The following ZNF385D variants were observed in gnomAD, a reference collection of about 807,000 sequenced individuals.
ZNF385D encodes the protein zinc finger protein 385D, also known as zinc finger protein 659.
ZNF385D carries 15 observed loss-of-function variants against 35.8 expected under a neutral mutation model. The observed-to-expected ratio is 0.42, with a 90% confidence interval of 0.28 to 0.64. The LOEUF is 0.64. Ranked by LOEUF, ZNF385D falls within the 30% of genes least tolerant of loss-of-function variation. ZNF385D has a pLI of 0.23. For missense variants in ZNF385D, 474 were observed against 494.6 expected (o/e 0.96, Z 0.39); for synonymous variants, 212 against 186.8 (o/e 1.13, Z -1.10).
intron 3 of ZNF385D, among the ~76,000 whole-genome samples, chr3:22,155,267 T>C (rs981243012): frequency 3.3e-5 from 5 of 152,140 alleles, no homozygotes; most frequent in African/African-American, 1.2e-4. Context: ...AAAGAAATTA[T>C]TTCAGAATCA....
chr3:21,510,636 G>C (rs2125465753), intron 4 of ZNF385D, among the ~76,000 whole-genome samples: 1 of 152,220 alleles, frequency 6.6e-6, no homozygotes, highest in South Asian at 2.1e-4. Flanking sequence ...CTCTGAAACA[G>C]CCACAGGACT....
rs1371674713 is a variant in ZNF385D at position 21,670,013 on chromosome 3, T to C, written c.23-4985A>G. On this transcript the variant is annotated intron_variant, in intron 1 of 7. Coordinates refer to ENST00000281523, the MANE Select transcript of ZNF385D (RefSeq NM_024697.3). ...ATCCTGCCTGACAACTTCATCTTAATCTTAACCTTAATCTACTACTTAATC... is the reference window on the plus strand; with the variant it reads ...ATCCTGCCTGACAACTTCATCTTAACCTTAACCTTAATCTACTACTTAATC... Among the ~76,000 whole-genome samples the C allele has an allele frequency of 6.6e-5, 10 of 152,172 alleles. No individual in the cohort carries two copies. In the East Asian group the frequency reaches 1.9e-3, roughly 29 times the overall value.
intron 3 of ZNF385D, among the ~76,000 whole-genome samples, chr3:21,889,287 C>A (rs943177438): frequency 1.3e-5 from 2 of 152,242 alleles, no homozygotes; most frequent in African/African-American, 4.8e-5. Context: ...TGCCATAGAT[C>A]CTCCCTAAGG....
chr3:21,899,268 G>C (rs927928043), intron 3 of ZNF385D, among the ~76,000 whole-genome samples: 4 of 152,050 alleles, frequency 2.6e-5, no homozygotes, highest in African/African-American at 9.7e-5. Flanking sequence ...GAGAAACCCT[G>C]TCTTAGGATT....
At chr3:21,809,669 T>A (rs6770993) in intron 3 of ZNF385D, among the ~76,000 whole-genome samples, 1 of 149,298 alleles carries the variant, frequency 6.7e-6, no homozygotes, top group Non-Finnish European at 1.5e-5. Context: ...TATATACACA[T>A]ATATACACAC....
intron 3 of ZNF385D, among the ~76,000 whole-genome samples, chr3:21,907,087 C>T (rs1355417880): frequency 1.3e-5 from 2 of 152,124 alleles, no homozygotes; most frequent in African/African-American, 4.8e-5. Context: ...AAACACATTT[C>T]CCACCTGCTC....
chr3:21,772,108 C>A (rs528018577), intron 3 of ZNF385D, among the ~76,000 whole-genome samples: 1 of 151,724 alleles, frequency 6.6e-6, no homozygotes, highest in Non-Finnish European at 1.5e-5. Context: ...AATATAAGAA[C>A]GAGAAATATA....
At chr3:21,598,980 C>T (rs542200757) in intron 2 of ZNF385D, among the ~76,000 whole-genome samples, 7 of 152,232 alleles carry the variant, frequency 4.6e-5, no homozygotes, top group East Asian at 3.9e-4. Context: ...AAACTGCTTC[C>T]GATGTTGCAA....
intron 2 of ZNF385D, among the ~76,000 whole-genome samples, chr3:21,652,200 C>A (rs1220695916): frequency 1.3e-5 from 2 of 152,146 alleles, no homozygotes; most frequent in Non-Finnish European, 2.9e-5. Context: ...ATTGACTTTT[C>A]AGTCACTTCT....
chr3:22,016,402 G>C (rs970091898), intron 3 of ZNF385D, among the ~76,000 whole-genome samples: 3 of 152,098 alleles, frequency 2.0e-5, no homozygotes, highest in Non-Finnish European at 2.9e-5. Context: ...TATGTACTTA[G>C]TATCCCACGA....
chr3:22,302,191 A>G (rs921043610), intron 2 of ZNF385D, among the ~76,000 whole-genome samples: 6 of 152,120 alleles, frequency 3.9e-5, no homozygotes, highest in African/African-American at 1.2e-4. Context: ...CTCTTGACAA[A>G]TTTATCTCTA....
chr3:21,768,566 A>C (rs927367193), intron 3 of ZNF385D, among the ~76,000 whole-genome samples: 2 of 151,992 alleles, frequency 1.3e-5, no homozygotes, highest in African/African-American at 2.4e-5. Context: ...CCCCTCCCCA[A>C]CACAGCCCTA....
intron 3 of ZNF385D, among the ~76,000 whole-genome samples, chr3:21,925,793 C>T (rs991342358): frequency 2.6e-5 from 4 of 151,738 alleles, no homozygotes; most frequent in African/African-American, 9.7e-5. Context: ...AAAAAAAACC[C>T]AAGCAATCCA....
chr3:21,420,924 C>T lies in ZNF385D; in HGVS notation c.*290G>A, dbSNP rs1473815209. 9.5e-6 allele frequency: 3 copies of T among 314,322 alleles called. No individual in the cohort carries two copies. The highest frequency in any genetic ancestry group is 1.8e-5 in the Non-Finnish European group (3 of 168,510). 19.5% of individuals were successfully genotyped at this position (314,322 alleles called of 1,614,324 possible). A position where few individuals can be genotyped will look rare whatever the true frequency, so the allele number is the denominator to read the frequency against. On this transcript the variant is annotated 3_prime_UTR_variant, in exon 8 of 8. Transcript: ENST00000281523. ...AGAGGGAAATAGGTGCCCAAAAGCA[C>T]AGTCACAGAGGCTTCAGAAGGTCTA...
chr3:22,261,512 G>T (rs140975182), intron 2 of ZNF385D, among the ~76,000 whole-genome samples: 8 of 151,920 alleles, frequency 5.3e-5, no homozygotes, highest in African/African-American at 1.9e-4. Flanking sequence ...AGTGTCAATG[G>T]GTGTGCTGTA....
intron 3 of ZNF385D, among the ~76,000 whole-genome samples, chr3:21,894,153 T>C (rs1479284245): frequency 3.9e-5 from 6 of 152,296 alleles, no homozygotes; most frequent in Middle Eastern, 6.8e-3. Context: ...TGCACTAAGC[T>C]AGATAATTTC....
chr3:21,788,744 G>A (rs1189630942), intron 3 of ZNF385D, among the ~76,000 whole-genome samples: 1 of 152,194 alleles, frequency 6.6e-6, no homozygotes, highest in Non-Finnish European at 1.5e-5. Context: ...TGTAAGACAT[G>A]CTTCATTCAA....
chr3:22,323,447 C>T (rs2125448636), intron 2 of ZNF385D, among the ~76,000 whole-genome samples: 1 of 152,226 alleles, frequency 6.6e-6, no homozygotes, highest in East Asian at 1.9e-4. Context: ...ATTCCCTATA[C>T]ACACACATGT....
intron 4 of ZNF385D, among the ~76,000 whole-genome samples, chr3:21,496,686 CA>C: frequency 6.6e-6 from 1 of 151,366 alleles, no homozygotes; most frequent in African/African-American, 2.4e-5. Flanking sequence ...AGCAGCACAT[CA>C]AAAAGCGAAT....
Sources: allele counts gnomAD v4.1 joint callset (sites outside exome capture counted in the v4.1 genomes callset), GRCh38; gene constraint gnomAD v4.1.1; transcripts MANE v1.5; gene names NCBI Gene and HGNC (gene_info 2026-07-23, HGNC 2026-07-21).